Variants in WDR72 observed in about 807,000 individuals in gnomAD.
The protein encoded by WDR72 is WD repeat-containing protein 72.
WDR72 carries 120 observed loss-of-function variants against 124.2 expected under a neutral mutation model. The ratio of observed to expected loss-of-function variants is 0.97; its 90% CI spans 0.83 to 1.12. The LOEUF is 1.12. WDR72 is among the 50% of genes most tolerant of loss of function. The pLI, the probability that WDR72 is intolerant of heterozygous loss-of-function variation, is 0.00. For synonymous variants in WDR72, 452 were observed against 441.7 expected, an observed-to-expected ratio of 1.02 and a Z score of -0.29; for missense variants, 1,387 against 1,278.8, an observed-to-expected ratio of 1.08 and a Z score of -1.29.
At chr15:53,686,300 T>C (rs1305299689) in intron 13 of WDR72, among the ~76,000 whole-genome samples, 1 of 152,176 alleles carries the variant, frequency 6.6e-6, no homozygotes, top group Non-Finnish European at 1.5e-5. Context: ...ATCAGGGTGC[T>C]GTATTCAGAA....
At chr15:53,679,853 GA>G (rs1331660934) in intron 13 of WDR72, among the ~76,000 whole-genome samples, 1 of 151,408 alleles carries the variant, frequency 6.6e-6, no homozygotes, top group African/African-American at 2.4e-5. Context: ...AGATTTTGGA[GA>G]GATAAAATAA....
intron 14 of WDR72, among the ~76,000 whole-genome samples, chr15:53,635,856 A>G (rs1416206316): frequency 6.6e-6 from 1 of 152,290 alleles, no homozygotes; most frequent in African/African-American, 2.4e-5. Flanking sequence ...GTTGAAAAAT[A>G]AAAACAAAAT....
chr15:53,699,469 A>C (rs2017099877), intron 13 of WDR72, among the ~76,000 whole-genome samples: 1 of 152,216 alleles, frequency 6.6e-6, no homozygotes, highest in Admixed American at 6.5e-5. Flanking sequence ...TCTTGTTAAT[A>C]ATTAAAGTAG....
chr15:53,762,390 G>A (rs1595894911), upstream of WDR72, among the ~76,000 whole-genome samples: 1 of 152,088 alleles, frequency 6.6e-6, no homozygotes, highest in African/African-American at 2.4e-5. Flanking sequence ...CATTACACTT[G>A]TCACAACTGA....
chr15:53,679,350 T>C (rs4573882), intron 13 of WDR72, among the ~76,000 whole-genome samples: 11,474 of 152,170 alleles, frequency 0.075, 1,106 homozygotes, highest in African/African-American at 0.22. Flanking sequence ...TTGTTTATAT[T>C]TTACCACAAT....
At chr15:53,759,423 G>A (rs1326925934) in intron 1 of WDR72, 1 of 141,188 alleles carries the variant, frequency 7.1e-6, no homozygotes, top group Non-Finnish European at 1.6e-5. Flanking sequence ...GTTTCCAAGT[G>A]CAAGAACTTA....
chr15:53,646,367 C>T (rs689811), intron 14 of WDR72, among the ~76,000 whole-genome samples: 13,851 of 152,012 alleles, frequency 0.091, 1,611 homozygotes, highest in African/African-American at 0.28. Context: ...CAGCAATCAA[C>T]TAAATTTCTG....
At chr15:53,547,553 T>C (rs1228685651) in intron 18 of WDR72, among the ~76,000 whole-genome samples, 2 of 152,146 alleles carry the variant, frequency 1.3e-5, no homozygotes, top group Non-Finnish European at 2.9e-5. Flanking sequence ...GTCTCAGTGG[T>C]TGTAAGAGCT....
intron 13 of WDR72, among the ~76,000 whole-genome samples, chr15:53,668,953 G>A (rs1833234474): frequency 6.0e-5 from 2 of 33,370 alleles, no homozygotes; most frequent in Non-Finnish European, 2.0e-4. Context: ...GGAGCAGGAG[G>A]AGGAGGAGAA....
intron 13 of WDR72, among the ~76,000 whole-genome samples, chr15:53,682,279 A>C (rs1405700776): frequency 6.6e-6 from 1 of 151,552 alleles, no homozygotes; most frequent in Non-Finnish European, 1.5e-5. Flanking sequence ...TGTTCACCAC[A>C]TGGAACTAAA....
At chr15:53,654,801 T>C (rs569526371) in intron 14 of WDR72, among the ~76,000 whole-genome samples, 1 of 152,254 alleles carries the variant, frequency 6.6e-6, no homozygotes, top group East Asian at 1.9e-4. Flanking sequence ...CACTCAGAAC[T>C]GTTAGTTTTC....
intron 13 of WDR72, among the ~76,000 whole-genome samples, chr15:53,693,711 T>C (rs2016915467): frequency 6.6e-6 from 1 of 152,226 alleles, no homozygotes; most frequent in Non-Finnish European, 1.5e-5. Context: ...AGTTTTGACT[T>C]CTTACTGGCA....
intron 19 of WDR72, among the ~76,000 whole-genome samples, chr15:53,518,408 C>CTGTA (rs1456897639): frequency 6.6e-6 from 1 of 151,964 alleles, no homozygotes; most frequent in East Asian, 1.9e-4. Context: ...TAAACCAGTA[C>CTGTA]TGTATACTAA....
chr15:53,719,652 G>C (rs1026021315), intron 3 of WDR72, among the ~76,000 whole-genome samples: 3 of 152,154 alleles, frequency 2.0e-5, no homozygotes, highest in African/African-American at 4.8e-5. Context: ...CCCAAATGTG[G>C]GTACTTGCTA....
intron 17 of WDR72, among the ~76,000 whole-genome samples, chr15:53,608,173 C>T (rs1452335720): frequency 1.3e-5 from 2 of 152,080 alleles, no homozygotes; most frequent in East Asian, 3.9e-4. Flanking sequence ...AGAAAGCAAA[C>T]CAGTATATCA....
At chr15:53,526,913 G>C (rs1402106273) in intron 18 of WDR72, among the ~76,000 whole-genome samples, 1 of 152,098 alleles carries the variant, frequency 6.6e-6, no homozygotes, top group Non-Finnish European at 1.5e-5. Context: ...ACTGAAAGAT[G>C]TAAGGCTATT....
chr15:53,739,013 T>G (rs1049907271), intron 1 of WDR72, among the ~76,000 whole-genome samples: 4 of 152,198 alleles, frequency 2.6e-5, no homozygotes, highest in African/African-American at 9.7e-5. Flanking sequence ...ACACATTTAT[T>G]TTAGCAAAAA....
At chr15:53,705,509 C>A (rs2017326378) in intron 10 of WDR72, among the ~76,000 whole-genome samples, 1 of 152,106 alleles carries the variant, frequency 6.6e-6, no homozygotes, top group Non-Finnish European at 1.5e-5. Flanking sequence ...GTCACCCAGG[C>A]TGGAGTGCAG....
At chr15:53,608,683 A>T (rs2013395503) in intron 17 of WDR72, among the ~76,000 whole-genome samples, 1 of 151,912 alleles carries the variant, frequency 6.6e-6, no homozygotes, top group Non-Finnish European at 1.5e-5. Context: ...TTGAGCCTGG[A>T]AGAACGAGGC....
Sources: allele counts gnomAD v4.1 joint callset (sites outside exome capture counted in the v4.1 genomes callset), GRCh38; gene constraint gnomAD v4.1.1; transcripts MANE v1.5; gene names NCBI Gene and HGNC (gene_info 2026-07-23, HGNC 2026-07-21).